APOBEC2: variants seen among roughly 807,000 people sequenced by gnomAD.
APOBEC2 encodes the protein apolipoprotein B mRNA editing enzyme catalytic subunit 2, also known as C->U-editing enzyme APOBEC-2.
APOBEC2 carries 14 observed loss-of-function variants against 19.4 expected under a neutral mutation model. That is an observed-to-expected ratio of 0.72 (90% CI 0.48 to 1.13). The LOEUF is 1.13. APOBEC2 is among the 50% of genes most tolerant of loss of function. APOBEC2 has a pLI of 0.00. For missense variants in APOBEC2, 304 were observed against 277.0 expected (o/e 1.10, Z -0.69); for synonymous variants, 127 against 112.1 (o/e 1.13, Z -0.84).
At chr6:41,058,399 CCACACACACACACA>C (rs3049087) in intron 1 of APOBEC2, among the ~76,000 whole-genome samples, 5 of 142,504 alleles carry the variant, frequency 3.5e-5, no homozygotes, top group Non-Finnish European at 7.7e-5. Flanking sequence ...CACCACCCCA[CCACACACACACACA>C]CACACACACA....
At chr6:41,057,738 G>A (rs1762813067) in intron 1 of APOBEC2, among the ~76,000 whole-genome samples, 4 of 152,140 alleles carry the variant, frequency 2.6e-5, no homozygotes, top group Admixed American at 2.6e-4. Flanking sequence ...TTTAATCTCA[G>A]TCCAGCTTCA....
intron 2 of APOBEC2, among the ~76,000 whole-genome samples, chr6:41,062,839 T>C (rs1762892303): frequency 6.6e-6 from 1 of 152,210 alleles, no homozygotes; most frequent in Admixed American, 6.5e-5. Flanking sequence ...TTTTTACATT[T>C]AGTCTGATTG....
chr6:41,061,604 C>A lies in APOBEC2; in HGVS notation c.408C>A (p.Ile136=), dbSNP rs773440973. ...SPCAACADRI[I]KTLSKTKNLR... is the part of the protein sequence containing the mutation. The stretch of plus-strand genomic sequence containing the variant: ...GTGCAGCGTGTGCTGACCGCATTAT[C>A]AAAACCCTTAGCAAGACCAAGAACC... The change falls in exon 2 of 3, where the codon ATC becomes ATA. Residue 136 remains isoleucine (I), a synonymous_variant. Coordinates refer to ENST00000244669, the MANE Select transcript of APOBEC2 (RefSeq NM_006789.4). 1.2e-6 allele frequency: 2 copies of A among 1,614,220 alleles called. No homozygotes were observed. The highest frequency in any genetic ancestry group is 1.7e-6 in the Non-Finnish European group (2 of 1,180,036).
Position 41,064,634 on chromosome 6 carries a change from C to A in APOBEC2, c.*555C>A, listed in dbSNP as rs1488664973. 3 of 152,104 alleles carry A rather than the reference C, an allele frequency of 2.0e-5. No homozygotes were observed. The highest frequency in any genetic ancestry group is 6.5e-5 in the Admixed American group (1 of 15,272). The allele number at this position is 152,104 out of a possible 1,614,324, so 9.4% of individuals were successfully genotyped here. A position where few individuals can be genotyped will look rare whatever the true frequency, so the allele number is the denominator to read the frequency against. On this transcript the variant is annotated 3_prime_UTR_variant, in exon 3 of 3. Transcript: ENST00000244669. ...CAAGCCATGGTTAAACCAAGACTTG[C>A]CTAGACAATGCAGAATAACTCTCCC...
chr6:41,053,323 G>A lies in APOBEC2; in HGVS notation c.-25G>A, dbSNP rs370038303. 474 of 1,608,648 alleles carry A rather than the reference G, an allele frequency of 2.9e-4. 2 individuals carry two copies. In the African/African-American group the frequency reaches 5.3e-3, roughly 18 times the overall value. On this transcript the variant is annotated 5_prime_UTR_variant, in exon 1 of 3. It adds an upstream start codon to the 5' untranslated region. Coordinates refer to ENST00000244669, the MANE Select transcript of APOBEC2 (RefSeq NM_006789.4). ...CTGCCTGCCTCTCTCCTCTCCCTCA[G>A]TGACTCCTGAGCCACAGCCCCTCCA...
Position 41,053,250 on chromosome 6 carries a change from AGCT to A in APOBEC2, c.-93_-91del. On this transcript the variant is annotated 5_prime_UTR_variant, in exon 1 of 3. Coordinates refer to ENST00000244669, the MANE Select transcript of APOBEC2 (RefSeq NM_006789.4). ...TTTCCCGTCATCCCCAGCCAGATTT[AGCT>A]GCTGACAGCTGCTTGGGACTCTGCC... 6.8e-7 allele frequency: 1 copy of A among 1,474,106 alleles called. No homozygotes were observed. Among genetic ancestry groups the A allele is most frequent in the Non-Finnish European group, 9.1e-7 (1 of 1,104,532 alleles). The allele number at this position is 1,474,106 out of a possible 1,614,324, so 91.3% of individuals were successfully genotyped here.
At chr6:41,058,763 T>C (rs1190415510) in intron 1 of APOBEC2, among the ~76,000 whole-genome samples, 2 of 152,216 alleles carry the variant, frequency 1.3e-5, no homozygotes, top group Non-Finnish European at 2.9e-5. Context: ...CTGACCTTTT[T>C]GCTCCTTCTA....
At chr6:41,061,929 T>TAATA in intron 2 of APOBEC2, 37 bp downstream of exon 2, 1 of 1,536,782 alleles carries the variant, frequency 6.5e-7, no homozygotes, top group Non-Finnish European at 8.8e-7. Flanking sequence ...AACACTTTAT[T>TAATA]ATGTTAACTC....
Position 41,064,266 on chromosome 6 carries a change from G to A in APOBEC2, c.*187G>A, listed in dbSNP as rs1327035097. 6.6e-6 allele frequency: 1 copy of A among 152,456 alleles called. No individual in the cohort carries two copies. The highest frequency in any genetic ancestry group is 6.5e-5 in the Admixed American group (1 of 15,280). 9.4% of individuals were successfully genotyped at this position (152,456 alleles called of 1,614,324 possible). ...TACTTCTCATGCTGTAGTTTATTTA[G>A]GCTGTGACTCTCTCTCTAATGCTGC... On this transcript the variant is annotated 3_prime_UTR_variant, in exon 3 of 3. Coordinates refer to ENST00000244669, the MANE Select transcript of APOBEC2 (RefSeq NM_006789.4).
intron 2 of APOBEC2, among the ~76,000 whole-genome samples, chr6:41,062,846 A>AT (rs1022682346): frequency 1.4e-4 from 22 of 152,320 alleles, no homozygotes; most frequent in African/African-American, 5.3e-4. Context: ...ATTTAGTCTG[A>AT]TTGAGTTTGC....
chr6:41,061,222 G>T, intron 1 of APOBEC2, 106 bp from the exon 2 acceptor site: 1 of 542,756 alleles, frequency 1.8e-6, no homozygotes. Flanking sequence ...TAGTAAGAGT[G>T]AATGCATTTC....
At chr6:41,057,245 C>T (rs539949366) in intron 1 of APOBEC2, among the ~76,000 whole-genome samples, 3 of 152,228 alleles carry the variant, frequency 2.0e-5, no homozygotes, top group African/African-American at 4.8e-5. Flanking sequence ...GAGGGGACTT[C>T]GACACCAGTT....
Position 41,064,354 on chromosome 6 carries a change from A to G in APOBEC2, c.*275A>G, listed in dbSNP as rs1762927590. 1 of 152,238 alleles carries G rather than the reference A, an allele frequency of 6.6e-6. No individual in the cohort carries two copies. Among genetic ancestry groups the G allele is most frequent in the African/African-American group, 2.4e-5 (1 of 41,450 alleles). 9.4% of individuals were successfully genotyped at this position (152,238 alleles called of 1,614,324 possible). On this transcript the variant is annotated 3_prime_UTR_variant, in exon 3 of 3. Transcript: ENST00000244669. The stretch of plus-strand genomic sequence containing the variant: ...TGCAACCATACATGGGCTCCAGTCA[A>G]CTATGGGACTGAAGGTCCTAATTGC...
chr6:41,062,259 C>T (rs1762886737), intron 2 of APOBEC2, among the ~76,000 whole-genome samples: 1 of 152,234 alleles, frequency 6.6e-6, no homozygotes, highest in African/African-American at 2.4e-5. Flanking sequence ...CCCCTGTGTA[C>T]ATGTCAGGGA....
In APOBEC2 at chr6:41,064,324, A is replaced by C. The variant is rs961208557; in HGVS notation, c.*245A>C. ...AAGGACGAAAGTGACCTGCAAGGAG[A>C]GAAATGCAACCATACATGGGCTCCA... On this transcript the variant is annotated 3_prime_UTR_variant, in exon 3 of 3. Transcript: ENST00000244669. 2 of 152,350 alleles carry C rather than the reference A, an allele frequency of 1.3e-5. No homozygotes were observed. Among genetic ancestry groups the C allele is most frequent in the African/African-American group, 4.8e-5 (2 of 41,440 alleles). The allele number at this position is 152,350 out of a possible 1,614,324, so 9.4% of individuals were successfully genotyped here. A position where few individuals can be genotyped will look rare whatever the true frequency, so the allele number is the denominator to read the frequency against.
intron 2 of APOBEC2, among the ~76,000 whole-genome samples, chr6:41,063,839 T>C (rs1156881200): frequency 6.6e-6 from 1 of 151,378 alleles, no homozygotes; most frequent in Non-Finnish European, 1.5e-5. Context: ...TTTAATCCTA[T>C]ATTTAGTCAA....
chr6:41,063,267 T>G (rs181554067), intron 2 of APOBEC2, among the ~76,000 whole-genome samples: 1 of 152,316 alleles, frequency 6.6e-6, no homozygotes, highest in East Asian at 1.9e-4. Flanking sequence ...GGGTATACTG[T>G]GTGGTACTCT....
intron 2 of APOBEC2, among the ~76,000 whole-genome samples, chr6:41,062,782 A>G (rs1458202486): frequency 6.6e-6 from 1 of 152,180 alleles, no homozygotes; most frequent in East Asian, 1.9e-4. Context: ...TAACAGAAAC[A>G]GGCTAATTAC....
chr6:41,063,359 T>A (rs539358521), intron 2 of APOBEC2, among the ~76,000 whole-genome samples: 1 of 152,284 alleles, frequency 6.6e-6, no homozygotes, highest in Non-Finnish European at 1.5e-5. Context: ...AATATAAAAT[T>A]TAACTTTTAG....
Sources: allele counts gnomAD v4.1 joint callset (sites outside exome capture counted in the v4.1 genomes callset), GRCh38; gene constraint gnomAD v4.1.1; transcripts MANE v1.5; gene names NCBI Gene and HGNC (gene_info 2026-07-23, HGNC 2026-07-21).